The following PIK3C2G variants were observed in gnomAD, a reference collection of about 807,000 sequenced individuals.
PIK3C2G encodes phosphatidylinositol 3-kinase C2 domain-containing subunit gamma.
In PIK3C2G, 168 loss-of-function variants were observed where a neutral mutation model predicts 181.1. That is an observed-to-expected ratio of 0.93 (90% CI 0.82 to 1.05). PIK3C2G has a LOEUF of 1.05. Ranked by LOEUF, PIK3C2G falls within the 50% of genes least tolerant of loss-of-function variation. The pLI is 0.00. For synonymous variants in PIK3C2G, 573 were observed against 592.2 expected, an observed-to-expected ratio of 0.97 and a Z score of 0.47; for missense variants, 1,869 against 1,732.8, an observed-to-expected ratio of 1.08 and a Z score of -1.40.
intron 30 of PIK3C2G, among the ~76,000 whole-genome samples, chr12:18,598,086 G>T (rs376059998): frequency 4.6e-5 from 7 of 151,922 alleles, no homozygotes; most frequent in Non-Finnish European, 5.9e-5. Context: ...AGGTAATTTA[G>T]AGATTCAATG....
intron 18 of PIK3C2G, among the ~76,000 whole-genome samples, chr12:18,462,534 C>G (rs1009909108): frequency 7.2e-5 from 11 of 152,036 alleles, no homozygotes; most frequent in African/African-American, 2.7e-4. Flanking sequence ...AGTTCAGGCC[C>G]TTTTTTGTAG....
chr12:18,614,850 T>C (rs1948517740), intron 31 of PIK3C2G, among the ~76,000 whole-genome samples: 1 of 152,146 alleles, frequency 6.6e-6, no homozygotes, highest in Non-Finnish European at 1.5e-5. Context: ...TTATACAATA[T>C]GGCCCTCTGC....
chr12:18,289,685 C>T (rs1949604105), intron 3 of PIK3C2G, among the ~76,000 whole-genome samples: 1 of 152,142 alleles, frequency 6.6e-6, no homozygotes, highest in Non-Finnish European at 1.5e-5. Flanking sequence ...GGATCCAGAA[C>T]ACGAGTGGAT....
rs201386630 is a variant in PIK3C2G at position 18,497,714 on chromosome 12, C to T, written c.2982C>T (p.Ile994=). Reference sequence around the variant, plus strand: ...AGGAAGGCTTGGATATGCAAATGATCATTTATAGATGTCTATCCACAGGAA... The same window carrying T: ...AGGAAGGCTTGGATATGCAAATGATTATTTATAGATGTCTATCCACAGGAA... ...WLQEGLDMQM[I]IYRCLSTGKD... Residue 994 remains isoleucine (I), a synonymous_variant, in exon 22 of 33, where the codon ATC becomes ATT. Coordinates refer to ENST00000538779, the MANE Select transcript of PIK3C2G (RefSeq NM_001288772.2). 2.8e-4 allele frequency: 451 copies of T among 1,611,992 alleles called. 1 individual carries two copies. The African/African-American group carries it at 5.5e-3, about 20-fold the overall frequency.
At chr12:18,690,832 T>A in the PIK3C2G span, among the ~76,000 whole-genome samples, 2 of 152,142 alleles carry the variant, frequency 1.3e-5, no homozygotes, top group African/African-American at 4.8e-5. Flanking sequence ...AGGATCCTAG[T>A]TCCACATGGT....
At chr12:18,592,393 G>A (rs1048377977) in intron 29 of PIK3C2G, among the ~76,000 whole-genome samples, 4 of 151,772 alleles carry the variant, frequency 2.6e-5, no homozygotes, top group African/African-American at 9.7e-5. Flanking sequence ...GCAAAGACAA[G>A]ACAGAATTCA....
chr12:18,516,648 C>T (rs914426789), intron 24 of PIK3C2G, among the ~76,000 whole-genome samples: 11 of 151,892 alleles, frequency 7.2e-5, no homozygotes, highest in African/African-American at 2.7e-4. Flanking sequence ...TCCCATAGGT[C>T]TTTTTCACTC....
At chr12:18,674,092 A>C in the PIK3C2G span, among the ~76,000 whole-genome samples, 1 of 152,234 alleles carries the variant, frequency 6.6e-6, no homozygotes, top group Non-Finnish European at 1.5e-5. Context: ...GTCTACCACA[A>C]CTGTGAAGAA....
intron 18 of PIK3C2G, among the ~76,000 whole-genome samples, chr12:18,482,934 T>C (rs945974678): frequency 2.0e-5 from 3 of 152,214 alleles, no homozygotes; most frequent in Non-Finnish European, 4.4e-5. Context: ...CTTGAAGAGT[T>C]ATCTGACCCC....
At chr12:18,414,431 A>G (rs914574770) in intron 16 of PIK3C2G, among the ~76,000 whole-genome samples, 2 of 152,104 alleles carry the variant, frequency 1.3e-5, no homozygotes, top group Non-Finnish European at 1.5e-5. Context: ...TCTTTTTGTT[A>G]ATCATATTGA....
chr12:18,454,673 T>C (rs1000317099), intron 18 of PIK3C2G, among the ~76,000 whole-genome samples: 2 of 152,132 alleles, frequency 1.3e-5, no homozygotes, highest in Non-Finnish European at 2.9e-5. Flanking sequence ...CTAAGAGTTA[T>C]TGCAATAATC....
intron 24 of PIK3C2G, 86 bp from the exon 25 acceptor site, chr12:18,538,070 A>G: frequency 1.5e-6 from 2 of 1,305,406 alleles, no homozygotes; most frequent in Non-Finnish European, 2.1e-6. Flanking sequence ...GAAAATTCAA[A>G]TGAAAATAAG....
At chr12:18,476,900 C>A (rs1389276065) in intron 18 of PIK3C2G, among the ~76,000 whole-genome samples, 2 of 151,760 alleles carry the variant, frequency 1.3e-5, no homozygotes, top group Non-Finnish European at 1.5e-5. Context: ...AAGTTGGAAA[C>A]TGTATCAGTC....
the PIK3C2G span, among the ~76,000 whole-genome samples, chr12:18,670,699 T>C: frequency 6.6e-6 from 1 of 152,182 alleles, no homozygotes; most frequent in Non-Finnish European, 1.5e-5. Flanking sequence ...ATCAATCTCA[T>C]GATAAGTGGC....
intron 16 of PIK3C2G, among the ~76,000 whole-genome samples, chr12:18,416,128 C>G (rs1156636228): frequency 6.6e-6 from 1 of 152,066 alleles, no homozygotes; most frequent in Non-Finnish European, 1.5e-5. Flanking sequence ...GCCTAAAATC[C>G]CAGCTACTCA....
At chr12:18,622,893 T>A (rs1265673919) in intron 31 of PIK3C2G, among the ~76,000 whole-genome samples, 2 of 151,098 alleles carry the variant, frequency 1.3e-5, no homozygotes, top group Non-Finnish European at 3.0e-5. Context: ...CACTTCTTAA[T>A]TGAATTGTTT....
chr12:18,444,400 T>C (rs1428588729), intron 18 of PIK3C2G, among the ~76,000 whole-genome samples: 1 of 152,198 alleles, frequency 6.6e-6, no homozygotes, highest in African/African-American at 2.4e-5. Context: ...TCTTACGAAT[T>C]CTCACACTTA....
chr12:18,327,676 T>C (rs1316991605), intron 8 of PIK3C2G, among the ~76,000 whole-genome samples: 1 of 152,078 alleles, frequency 6.6e-6, no homozygotes, highest in African/African-American at 2.4e-5. Context: ...GAATTCATTC[T>C]GTATTCTTAA....
intron 11 of PIK3C2G, among the ~76,000 whole-genome samples, chr12:18,354,768 G>C (rs528621758): frequency 3.3e-5 from 5 of 152,234 alleles, no homozygotes; most frequent in Non-Finnish European, 7.3e-5. Flanking sequence ...ACTGGTGATG[G>C]TGGAGACAGT....
Sources: allele counts gnomAD v4.1 joint callset (sites outside exome capture counted in the v4.1 genomes callset), GRCh38; gene constraint gnomAD v4.1.1; transcripts MANE v1.5; gene names NCBI Gene and HGNC (gene_info 2026-07-23, HGNC 2026-07-21).